Variants in NAALADL2 observed in about 807,000 individuals in gnomAD.
NAALADL2 encodes N-acetylated alpha-linked acidic dipeptidase like 2, also known as inactive N-acetylated-alpha-linked acidic dipeptidase-like protein 2.
A neutral mutation model predicts 87.2 loss-of-function variants in NAALADL2; 76 were observed. The observed-to-expected ratio is 0.87, with a 90% confidence interval of 0.72 to 1.05. NAALADL2 has a LOEUF of 1.05. Among genes scored for constraint, NAALADL2 ranks in the 50% least tolerant of loss-of-function variants. The pLI is 0.00. For synonymous variants in NAALADL2, 354 were observed against 331.0 expected, an observed-to-expected ratio of 1.07 and a Z score of -0.75; for missense variants, 1,089 against 945.8, an observed-to-expected ratio of 1.15 and a Z score of -1.99.
chr3:175,462,349 C>T (rs186653810), intron 6 of NAALADL2, among the ~76,000 whole-genome samples: 1 of 152,270 alleles, frequency 6.6e-6, no homozygotes, highest in African/African-American at 2.4e-5. Context: ...AGATAAGGCA[C>T]TCAGGCATTT....
intron 12 of NAALADL2, among the ~76,000 whole-genome samples, chr3:175,754,857 C>T (rs1747052873): frequency 6.6e-6 from 1 of 152,164 alleles, no homozygotes; most frequent in Admixed American, 6.5e-5. Flanking sequence ...TGGAATATAG[C>T]AATCCTTCAG....
chr3:174,886,181 G>A (rs1276682188), intron 1 of NAALADL2, among the ~76,000 whole-genome samples: 1 of 151,960 alleles, frequency 6.6e-6, no homozygotes, highest in African/African-American at 2.4e-5. Flanking sequence ...CCAAAGTCCT[G>A]GGATTACAGG....
In NAALADL2 at chr3:174,682,389, C is replaced by A. The variant is rs1727628939; in HGVS notation, c.-114-55252C>A. On this transcript the variant is annotated intron_variant, in intron 2 of 3. Transcript: ENST00000434257. ...GCTTTGCCATCTGCTGTTGATAGAG[C>A]CCTAGGTCTTTGAGTGAACTTAGGT... is the stretch of plus-strand genomic sequence containing the variant. Among the ~76,000 whole-genome samples the A allele has an allele frequency of 2.0e-5, 3 of 152,106 alleles. No homozygotes were observed. In the South Asian group the frequency reaches 6.2e-4, roughly 31 times the overall value.
At chr3:175,556,445 A>C (rs190174882) in intron 9 of NAALADL2, among the ~76,000 whole-genome samples, 1 of 151,964 alleles carries the variant, frequency 6.6e-6, no homozygotes, top group Non-Finnish European at 1.5e-5. Flanking sequence ...TCTAAAGTGC[A>C]AAGCACTTAA....
intron 11 of NAALADL2, among the ~76,000 whole-genome samples, chr3:175,638,357 A>G (rs1055588647): frequency 3.3e-5 from 5 of 152,190 alleles, no homozygotes; most frequent in African/African-American, 1.2e-4. Flanking sequence ...TTCTTCAAAG[A>G]TAGAAGACTC....
intron 1 of NAALADL2, among the ~76,000 whole-genome samples, chr3:175,078,613 C>G (rs976733242): frequency 8.5e-5 from 13 of 152,126 alleles, no homozygotes; most frequent in African/African-American, 3.1e-4. Flanking sequence ...CCTGCCCCAG[C>G]CCCATGCAAC....
intron 2 of NAALADL2, among the ~76,000 whole-genome samples, chr3:175,102,505 G>T (rs1189839410): frequency 6.6e-6 from 1 of 151,950 alleles, no homozygotes; most frequent in African/African-American, 2.4e-5. Context: ...GTATTTAAAG[G>T]TTCAGAAACT....
chr3:175,480,706 A>G (rs1022517059), intron 9 of NAALADL2, among the ~76,000 whole-genome samples: 6 of 151,882 alleles, frequency 4.0e-5, no homozygotes, highest in Non-Finnish European at 7.4e-5. Flanking sequence ...GATTTCAGTA[A>G]TATTCAGTAG....
intron 5 of NAALADL2, among the ~76,000 whole-genome samples, chr3:175,423,028 A>AAAAAATAT (rs1438736874): frequency 2.7e-5 from 3 of 111,318 alleles, no homozygotes; most frequent in African/African-American, 8.2e-5. Flanking sequence ...GAAAAAAAAA[A>AAAAAATAT]ATATATATAT....
At chr3:175,374,520 G>A (rs1437298970) in intron 5 of NAALADL2, among the ~76,000 whole-genome samples, 2 of 116,156 alleles carry the variant, frequency 1.7e-5, no homozygotes, top group African/African-American at 6.5e-5. Context: ...TTCCAGTCTG[G>A]TTGACAGAGT....
chr3:175,533,202 GC>G (rs1361870196), intron 9 of NAALADL2, among the ~76,000 whole-genome samples: 1 of 152,118 alleles, frequency 6.6e-6, no homozygotes, highest in Non-Finnish European at 1.5e-5. Flanking sequence ...ATTATCCCAT[GC>G]CCTTAATATA....
rs575134973 is a variant in NAALADL2, at chr3:174,990,661, A to T, written c.44-106129A>T. ...ACATAGGAAAAATTTCTAAAGCTCG[A>T]AACAGATATAGGTATCATATTCTGC... On this transcript the variant is annotated intron_variant, in intron 1 of 13. Transcript: ENST00000454872. 3.3e-5 allele frequency among the ~76,000 whole-genome samples: 5 copies of T among 152,322 alleles called. No individual in the cohort carries two copies. In the East Asian group the frequency reaches 9.6e-4, roughly 29 times the overall value.
intron 9 of NAALADL2, among the ~76,000 whole-genome samples, chr3:175,551,735 A>G (rs553287380): frequency 3.9e-5 from 6 of 152,200 alleles, no homozygotes; most frequent in African/African-American, 1.4e-4. Flanking sequence ...CGTCTACACT[A>G]AAAATTCAAA....
intron 3 of NAALADL2, among the ~76,000 whole-genome samples, chr3:175,236,731 A>G (rs1043008947): frequency 6.6e-6 from 1 of 152,112 alleles, no homozygotes; most frequent in African/African-American, 2.4e-5. Flanking sequence ...GAGTTCCACT[A>G]TTGGGCAAAT....
chr3:175,466,638 C>T (rs1370055263), intron 7 of NAALADL2, among the ~76,000 whole-genome samples: 4 of 152,030 alleles, frequency 2.6e-5, no homozygotes, highest in Non-Finnish European at 5.9e-5. Flanking sequence ...AGCATGCATA[C>T]ATTGTTTACA....
At chr3:175,011,302 G>C (rs1451158701) in intron 1 of NAALADL2, among the ~76,000 whole-genome samples, 3 of 151,626 alleles carry the variant, frequency 2.0e-5, no homozygotes, top group Non-Finnish European at 2.9e-5. Context: ...GAGAGAGAGA[G>C]AGAGAGAGAG....
At chr3:175,482,598 C>T (rs895818193) in intron 9 of NAALADL2, among the ~76,000 whole-genome samples, 2 of 151,870 alleles carry the variant, frequency 1.3e-5, no homozygotes, top group Non-Finnish European at 2.9e-5. Context: ...ACAATTCACA[C>T]AGATTTCTAA....
intron 13 of NAALADL2, among the ~76,000 whole-genome samples, chr3:175,793,876 A>G (rs887688783): frequency 1.3e-5 from 2 of 152,188 alleles, no homozygotes; most frequent in African/African-American, 4.8e-5. Context: ...GAATAAGCGG[A>G]AAAACATCAA....
intron 9 of NAALADL2, among the ~76,000 whole-genome samples, chr3:175,559,599 G>A (rs1005976541): frequency 7.9e-5 from 12 of 152,056 alleles, no homozygotes; most frequent in Non-Finnish European, 1.3e-4. Context: ...CTTTTATTAT[G>A]TTGAGGTATG....
Sources: gnomAD v4.1 joint callset for allele counts (sites outside exome capture counted in the v4.1 genomes callset) on GRCh38, gnomAD v4.1.1 for gene constraint, MANE v1.5 for transcripts, NCBI Gene and HGNC (gene_info 2026-07-23, HGNC 2026-07-21) for gene names.